The following VAV2 variants were observed in gnomAD, a reference collection of about 807,000 sequenced individuals.
VAV2 encodes vav guanine nucleotide exchange factor 2.
Under a neutral mutation model 132.5 loss-of-function variants are expected in VAV2, and 67 were observed. The observed-to-expected ratio is 0.51, with a 90% CI of 0.42 to 0.62. VAV2 has a LOEUF of 0.62. Among genes scored for constraint, VAV2 ranks in the 20% least tolerant of loss-of-function variants. VAV2 has a pLI of 0.00. For missense variants in VAV2, 938 were observed against 1,153.6 expected, an observed-to-expected ratio of 0.81 and a Z score of 2.71; for synonymous variants, 492 against 443.5, an observed-to-expected ratio of 1.11 and a Z score of -1.37.
intron 2 of VAV2, among the ~76,000 whole-genome samples, chr9:133,873,746 C>T (rs541106529): frequency 7.2e-5 from 11 of 152,292 alleles, no homozygotes; most frequent in Non-Finnish European, 1.6e-4. Flanking sequence ...ATTTCCCGTC[C>T]TTCATGGAAG....
At chr9:133,812,535 C>T (rs55666584) in intron 4 of VAV2, among the ~76,000 whole-genome samples, 17,219 of 152,184 alleles carry the variant, frequency 0.11, 1,155 homozygotes, top group South Asian at 0.16. Context: ...GGTCCAGGGG[C>T]GGGACCCCTG....
chr9:133,887,753 G>A (rs1040554801), intron 2 of VAV2, among the ~76,000 whole-genome samples: 1 of 152,134 alleles, frequency 6.6e-6, no homozygotes, highest in Non-Finnish European at 1.5e-5. Flanking sequence ...ACGGCGATCA[G>A]CGAGGCCAGG....
chr9:133,975,279 G>A (rs998256017), intron 1 of VAV2, among the ~76,000 whole-genome samples: 1 of 152,082 alleles, frequency 6.6e-6, no homozygotes, highest in Non-Finnish European at 1.5e-5. Flanking sequence ...TCCTCGCTCA[G>A]TGCTCAGTGG....
At chr9:133,888,707 C>G (rs943295763) in intron 2 of VAV2, among the ~76,000 whole-genome samples, 1 of 152,252 alleles carries the variant, frequency 6.6e-6, no homozygotes, top group Non-Finnish European at 1.5e-5. Context: ...AAACACCAGA[C>G]TCCACCCCAA....
At chr9:133,856,440 CCCA>C (rs1564409703) in intron 3 of VAV2, among the ~76,000 whole-genome samples, 40 of 151,834 alleles carry the variant, frequency 2.6e-4, no homozygotes, top group African/African-American at 3.9e-4. Flanking sequence ...CCACCGGGAC[CCCA>C]TGCTGGTATG....
chr9:133,787,180 C>A, intron 16 of VAV2, 66 bp downstream of exon 16: 1 of 1,476,298 alleles, frequency 6.8e-7, no homozygotes, highest in Non-Finnish European at 9.0e-7. Context: ...TGGCTCCGGG[C>A]AGAAGTGCCA....
intron 26 of VAV2, among the ~76,000 whole-genome samples, chr9:133,771,451 C>A (rs1833622202): frequency 6.6e-6 from 1 of 152,108 alleles, no homozygotes; most frequent in Admixed American, 6.5e-5. Context: ...CAGGAGTTCT[C>A]AATATATACA....
intron 1 of VAV2, among the ~76,000 whole-genome samples, chr9:133,977,318 A>T (rs1027900611): frequency 6.6e-6 from 1 of 152,192 alleles, no homozygotes; most frequent in African/African-American, 2.4e-5. Flanking sequence ...TGACTGCGGG[A>T]TCATTTCTCT....
chr9:133,866,865 G>A (rs1837824908), intron 2 of VAV2, among the ~76,000 whole-genome samples: 1 of 152,032 alleles, frequency 6.6e-6, no homozygotes. Flanking sequence ...AGATGATGGG[G>A]TGGTGTCTGT....
chr9:133,798,484 C>T (rs929561491), intron 9 of VAV2, among the ~76,000 whole-genome samples: 3 of 152,228 alleles, frequency 2.0e-5, no homozygotes, highest in African/African-American at 7.2e-5. Flanking sequence ...CCTTCAGTGC[C>T]TTGTGCTGGT....
chr9:133,784,827 T>C (rs1834152529), intron 17 of VAV2, among the ~76,000 whole-genome samples: 1 of 152,194 alleles, frequency 6.6e-6, no homozygotes, highest in South Asian at 2.1e-4. Flanking sequence ...TCAGGGGGGC[T>C]GCACTGGTGT....
intron 23 of VAV2, 33 bp from the exon 24 acceptor site, chr9:133,776,113 C>T (rs667183): frequency 0.4 from 651,272 of 1,609,136 alleles, 136,153 homozygotes; most frequent in Non-Finnish European, 0.42. Flanking sequence ...TTAACGGCCC[C>T]CCAGGGCCAC....
chr9:133,774,790 G>A (rs1045933318), intron 25 of VAV2, 145 bp downstream of exon 25: 62 of 755,866 alleles, frequency 8.2e-5, no homozygotes, highest in South Asian at 4.7e-4. Flanking sequence ...CCTCAGCACC[G>A]CTTTCATCTC....
At chr9:133,904,844 C>A (rs1839582788) in intron 2 of VAV2, among the ~76,000 whole-genome samples, 1 of 152,246 alleles carries the variant, frequency 6.6e-6, no homozygotes, top group South Asian at 2.1e-4. Flanking sequence ...CCTCTAGGCA[C>A]AAAATACTCT....
At chr9:133,913,431 G>A (rs595291) in intron 2 of VAV2, among the ~76,000 whole-genome samples, 7,617 of 152,228 alleles carry the variant, frequency 0.05, 210 homozygotes, top group Non-Finnish European at 0.072. Flanking sequence ...GGGGTGGTGC[G>A]CGCTTCCTGG....
At chr9:133,932,223 G>A (rs1840712789) in intron 2 of VAV2, among the ~76,000 whole-genome samples, 1 of 152,200 alleles carries the variant, frequency 6.6e-6, no homozygotes, top group African/African-American at 2.4e-5. Context: ...TTCCCAGCTG[G>A]GCAACTGGAC....
chr9:133,795,584 G>T (rs770352352), intron 12 of VAV2, 84 bp downstream of exon 12: 1 of 1,525,686 alleles, frequency 6.6e-7, no homozygotes, highest in Non-Finnish European at 9.1e-7. Flanking sequence ...CAAAACTGAG[G>T]CTCGTTAATG....
At chr9:133,899,073 G>C (rs1027637674) in intron 2 of VAV2, among the ~76,000 whole-genome samples, 1 of 151,570 alleles carries the variant, frequency 6.6e-6, no homozygotes, top group African/African-American at 2.4e-5. Context: ...CGCCCGCCTC[G>C]GCCTCCCAAA....
At chr9:133,893,517 C>T (rs577833907) in intron 2 of VAV2, among the ~76,000 whole-genome samples, 1 of 152,296 alleles carries the variant, frequency 6.6e-6, no homozygotes, top group Admixed American at 6.5e-5. Context: ...CCTCCCTCCC[C>T]GGCCTTCATA....
Sources: allele counts gnomAD v4.1 joint callset (sites outside exome capture counted in the v4.1 genomes callset), GRCh38; gene constraint gnomAD v4.1.1; transcripts MANE v1.5; gene names NCBI Gene and HGNC (gene_info 2026-07-23, HGNC 2026-07-21).